The following ANKS1B variants were observed in gnomAD, a reference collection of about 807,000 sequenced individuals.
The protein encoded by ANKS1B is ankyrin repeat and sterile alpha motif domain containing 1B.
In ANKS1B, 36 loss-of-function variants were observed where a neutral mutation model predicts 148.3. That is an observed-to-expected ratio of 0.24 (90% CI 0.19 to 0.32). The LOEUF (loss-of-function observed/expected upper bound fraction) is 0.32, where lower values mean the gene tolerates loss of function less well. ANKS1B is among the 10% of genes least tolerant of loss of function. The pLI is 1.00. For synonymous variants in ANKS1B, 542 were observed against 560.8 expected, an observed-to-expected ratio of 0.97 and a Z score of 0.47; for missense variants, 1,157 against 1,542.6, an observed-to-expected ratio of 0.75 and a Z score of 4.19.
chr12:99,266,322 T>C (rs767065983), intron 12 of ANKS1B, among the ~76,000 whole-genome samples: 10 of 152,208 alleles, frequency 6.6e-5, no homozygotes, highest in Non-Finnish European at 1.0e-4. Flanking sequence ...GGGTCTCTGA[T>C]ATGCAGAAAA....
chr12:99,835,248 C>CAAAAAAAAAAAAAAAAACAAAAAAAA, intron 1 of ANKS1B, among the ~76,000 whole-genome samples: 1 of 87,012 alleles, frequency 1.1e-5, no homozygotes, highest in Non-Finnish European at 2.3e-5. Context: ...CCCATCTCTA[C>CAAAAAAAAAAAAAAAAACAAAAAAAA]AAAAAAAAAA....
In ANKS1B at chr12:99,246,481, A is replaced by T. The variant is rs746585469; in HGVS notation, c.2140T>A (p.Cys714Ser). Residue 714 changes from cysteine (C) to serine (S), a missense_variant, in exon 13 of 27, where the codon TGT becomes AGT. Physicochemically the swap from Cys to Ser is moderately radical, Grantham distance 112 (BLOSUM62 -1). This residue lies in a region of ANKS1B where 661 missense variants were observed against 642.1 expected (regional missense o/e 1.03). Transcript: ENST00000683438. ...MNAGGFVERA[C>S]TLGRIRSLPK... The stretch of plus-strand genomic sequence containing the variant: ...AATGACCTTATTCTCCCCAGAGTAC[A>T]GGCTCTCTCCACAAATCCCCCTGCG... The T allele has an allele frequency of 6.2e-7, 1 of 1,613,844 alleles. No individual in the cohort carries two copies. The highest frequency in any genetic ancestry group is 8.5e-7 in the Non-Finnish European group (1 of 1,179,838).
At chr12:98,891,524 C>T (rs2099752667) in intron 17 of ANKS1B, among the ~76,000 whole-genome samples, 1 of 152,138 alleles carries the variant, frequency 6.6e-6, no homozygotes, top group South Asian at 2.1e-4. Flanking sequence ...ATAAAAATTA[C>T]ATCTACATAA....
intron 8 of ANKS1B, among the ~76,000 whole-genome samples, chr12:99,698,919 G>A (rs1301785155): frequency 6.6e-6 from 1 of 151,968 alleles, no homozygotes; most frequent in Non-Finnish European, 1.5e-5. Flanking sequence ...AGATTGTGCT[G>A]GACTATCTTA....
At chr12:99,769,200 C>G (rs2153617313) in intron 8 of ANKS1B, among the ~76,000 whole-genome samples, 1 of 152,194 alleles carries the variant, frequency 6.6e-6, no homozygotes, top group East Asian at 1.9e-4. Context: ...TCAGTTCTGA[C>G]TCATCATCTC....
intron 9 of ANKS1B, among the ~76,000 whole-genome samples, chr12:99,579,659 A>G (rs763266482): frequency 6.6e-6 from 1 of 152,182 alleles, no homozygotes; most frequent in African/African-American, 2.4e-5. Context: ...ATACAACCTC[A>G]TATCAGTCAG....
chr12:99,250,000 G>A (rs2074365592), intron 12 of ANKS1B, among the ~76,000 whole-genome samples: 1 of 152,158 alleles, frequency 6.6e-6, no homozygotes. Flanking sequence ...AAAGATAGAC[G>A]CTCTACTCAT....
In ANKS1B at chr12:99,679,411, C is replaced by G. The variant is rs527568308; in HGVS notation, c.1129-24201G>C. On this transcript the variant is annotated intron_variant, in intron 8 of 26. Coordinates refer to ENST00000683438, the MANE Select transcript of ANKS1B (RefSeq NM_001352186.2). Reference sequence around the variant, plus strand: ...GCAACCTCCACCCCCAGGCTCAAGCCATCCTCCCACCTCAGCCTCCCAAGT... The same window carrying G: ...GCAACCTCCACCCCCAGGCTCAAGCGATCCTCCCACCTCAGCCTCCCAAGT... Among the ~76,000 whole-genome samples the G allele has an allele frequency of 3.5e-4, 53 of 152,262 alleles. 1 individual carries two copies. Among genetic ancestry groups the G allele is most frequent in the African/African-American group, 1.3e-3 (53 of 41,552 alleles).
At chr12:99,944,713 A>C (rs2095014557) in intron 1 of ANKS1B, among the ~76,000 whole-genome samples, 1 of 152,144 alleles carries the variant, frequency 6.6e-6, no homozygotes, top group Non-Finnish European at 1.5e-5. Flanking sequence ...TGAGATTAAG[A>C]AGCATACTGA....
intron 1 of ANKS1B, among the ~76,000 whole-genome samples, chr12:99,830,470 A>C (rs1037784540): frequency 3.9e-5 from 6 of 152,232 alleles, no homozygotes; most frequent in African/African-American, 1.4e-4. Context: ...AAAATTGTGA[A>C]ACAAGAAGTA....
intron 8 of ANKS1B, among the ~76,000 whole-genome samples, chr12:99,740,759 C>T (rs2060021913): frequency 6.6e-6 from 1 of 152,116 alleles, no homozygotes; most frequent in Non-Finnish European, 1.5e-5. Flanking sequence ...CAAGCTGAAG[C>T]TGGGTGGGGC....
intron 15 of ANKS1B, among the ~76,000 whole-genome samples, chr12:99,101,595 T>C (rs2057951206): frequency 6.6e-6 from 1 of 152,162 alleles, no homozygotes. Flanking sequence ...AGAGTCTCAC[T>C]CTATTACCCA....
chr12:99,823,175 T>C (rs933961283), intron 2 of ANKS1B, among the ~76,000 whole-genome samples: 2 of 152,192 alleles, frequency 1.3e-5, no homozygotes, highest in Admixed American at 6.5e-5. Context: ...AAATTCCTTA[T>C]AGATTCTGAA....
At chr12:99,454,264 A>G (rs537479097) in intron 10 of ANKS1B, among the ~76,000 whole-genome samples, 2 of 152,340 alleles carry the variant, frequency 1.3e-5, no homozygotes, top group African/African-American at 4.8e-5. Context: ...AGTCAGCCAC[A>G]TTGCATTTCT....
At chr12:98,948,776 C>CT (rs1555530376) in intron 17 of ANKS1B, among the ~76,000 whole-genome samples, 3 of 145,794 alleles carry the variant, frequency 2.1e-5, no homozygotes, top group African/African-American at 5.3e-5. Flanking sequence ...CACCCCCCCC[C>CT]ACACACACAC....
chr12:99,865,884 A>G (rs769250632), intron 1 of ANKS1B, among the ~76,000 whole-genome samples: 10 of 151,974 alleles, frequency 6.6e-5, no homozygotes, highest in Non-Finnish European at 1.3e-4. Context: ...ATTTCATTTT[A>G]GAGAATTCCC....
In ANKS1B at chr12:99,812,360, T is replaced by C. The variant is rs376690918; in HGVS notation, c.216-49A>G. The C allele has an allele frequency of 2.2e-5, 34 of 1,541,004 alleles. No homozygotes were observed. The African/African-American group carries it at 4.3e-4, about 19-fold the overall frequency. ...ACAAAATAGGCTGAGCAAGACAAAC[T>C]GTATTAAATAGGTAATTTTAAAAGA... On this transcript the variant is annotated intron_variant, in intron 2 of 26. Transcript: ENST00000683438.
chr12:98,802,271 TAG>T (rs2153596157), intron 20 of ANKS1B, among the ~76,000 whole-genome samples: 1 of 152,332 alleles, frequency 6.6e-6, no homozygotes, highest in South Asian at 2.1e-4. Flanking sequence ...ACAGAAGTGC[TAG>T]AAAGTGTGTT....
intron 1 of ANKS1B, among the ~76,000 whole-genome samples, chr12:99,930,543 G>A (rs2094587446): frequency 6.6e-6 from 1 of 152,148 alleles, no homozygotes; most frequent in South Asian, 2.1e-4. Flanking sequence ...ATGTTGAACA[G>A]GAGTGGTGAG....
Sources: gnomAD v4.1 joint callset for allele counts (sites outside exome capture counted in the v4.1 genomes callset) on GRCh38, gnomAD v4.1.1 for gene constraint, gnomAD v4.1.1 regional missense constraint, MANE v1.5 for transcripts, NCBI Gene and HGNC (gene_info 2026-07-23, HGNC 2026-07-21) for gene names.